The following OTOA variants were observed in gnomAD, a reference collection of about 807,000 sequenced individuals.
OTOA encodes the protein cancer/testis antigen 108.
A neutral mutation model predicts 110.8 loss-of-function variants in OTOA; 70 were observed. The ratio of observed to expected loss-of-function variants is 0.63; its 90% CI spans 0.52 to 0.77. The LOEUF (loss-of-function observed/expected upper bound fraction) is 0.77. Among genes scored for constraint, OTOA ranks in the 30% least tolerant of loss-of-function variants. The probability of loss-of-function intolerance (pLI) is 0.00; values close to 1 mark genes in which losing one functional copy is unlikely to be tolerated. For missense variants in OTOA, 917 were observed against 1,075.8 expected (o/e 0.85, Z 2.06); for synonymous variants, 373 against 431.5 (o/e 0.86, Z 1.68).
chr16:21,693,622 C>A (rs1055074014), intron 9 of OTOA, among the ~76,000 whole-genome samples: 7 of 152,140 alleles, frequency 4.6e-5, no homozygotes, highest in Non-Finnish European at 1.0e-4. Flanking sequence ...TACTCTGTCA[C>A]CCAGGCTGGA....
rs558533885 is a variant in OTOA, at chr16:21,706,212, C to T, written c.1104+920C>T. 2.6e-5 allele frequency among the ~76,000 whole-genome samples: 4 copies of T among 152,344 alleles called. No individual in the cohort carries two copies. The South Asian group carries it at 8.3e-4, about 32-fold the overall frequency. On this transcript the variant is annotated intron_variant, in intron 12 of 28. Transcript: ENST00000646100. ...GCTCTTGGTTGAGGCCCAGGACTCC[C>T]ATCTTCCTCTTCTTCCTCCTTCTTC...
rs117261711 is a variant in OTOA, at chr16:21,704,981, T to A, written c.981-188T>A. The A allele has an allele frequency of 3.2e-4, 295 of 911,860 alleles. No homozygotes were observed. Among genetic ancestry groups the A allele is most frequent in the African/African-American group, 1.7e-3 (104 of 61,458 alleles). The allele number at this position is 911,860 out of a possible 1,614,324, so 56.5% of individuals were successfully genotyped here. ...ATTCAGCCCCCATTCCTTGGTCTCG[T>A]CTGAGCAGTTAGGTTCCGCCTGTGG... On this transcript the variant is annotated intron_variant, in intron 11 of 28. Coordinates refer to ENST00000646100, the MANE Select transcript of OTOA (RefSeq NM_144672.4).
intron 22 of OTOA, among the ~76,000 whole-genome samples, chr16:21,736,658 C>G (rs1019819782): frequency 2.0e-5 from 3 of 152,126 alleles, no homozygotes; most frequent in African/African-American, 7.2e-5. Context: ...TGGCGAAACC[C>G]TGTCTCTACT....
chr16:21,683,231 A>G (rs1966928792), intron 6 of OTOA, among the ~76,000 whole-genome samples: 1 of 152,202 alleles, frequency 6.6e-6, no homozygotes, highest in South Asian at 2.1e-4. Context: ...GTCAAGATAG[A>G]GAATAATAGC....
intron 9 of OTOA, among the ~76,000 whole-genome samples, chr16:21,695,984 T>C (rs1267825146): frequency 6.8e-6 from 1 of 146,432 alleles, no homozygotes; most frequent in Non-Finnish European, 1.5e-5. Context: ...AACTTCTGCC[T>C]CCCGGGTTCA....
intron 28 of OTOA, among the ~76,000 whole-genome samples, chr16:21,759,091 A>G (rs1380673779): frequency 5.3e-5 from 8 of 152,196 alleles, no homozygotes; most frequent in Non-Finnish European, 1.0e-4. Context: ...AGCGTTTTGC[A>G]TGAATAGATA....
chr16:21,759,815 G>T (rs945721854), intron 28 of OTOA, among the ~76,000 whole-genome samples: 2 of 151,924 alleles, frequency 1.3e-5, no homozygotes, highest in Admixed American at 6.6e-5. Flanking sequence ...CAGAGGAATC[G>T]CTTGAACCTG....
chr16:21,703,766 A>G (rs1898099645), intron 11 of OTOA, among the ~76,000 whole-genome samples: 1 of 152,178 alleles, frequency 6.6e-6, no homozygotes, highest in South Asian at 2.1e-4. Flanking sequence ...ACTGTGGTCA[A>G]CTAGGTAGTC....
chr16:21,738,440 T>G (rs1270365041), intron 22 of OTOA, among the ~76,000 whole-genome samples: 1 of 120,684 alleles, frequency 8.3e-6, no homozygotes, highest in Non-Finnish European at 1.9e-5. Context: ...TGCATTATCT[T>G]GTTCTCCCGT....
At chr16:21,704,010 G>A (rs1169187022) in intron 11 of OTOA, among the ~76,000 whole-genome samples, 2 of 152,132 alleles carry the variant, frequency 1.3e-5, no homozygotes, top group Non-Finnish European at 2.9e-5. Context: ...AGTGTGCACT[G>A]CAGAACTGTG....
intron 1 of OTOA, among the ~76,000 whole-genome samples, chr16:21,674,237 C>A (rs1597803324): frequency 6.6e-6 from 1 of 152,266 alleles, no homozygotes; most frequent in East Asian, 1.9e-4. Context: ...GCTGTACCAC[C>A]TTATATTCTC....
chr16:21,680,042 A>G (rs962991152), intron 5 of OTOA, among the ~76,000 whole-genome samples: 3 of 152,220 alleles, frequency 2.0e-5, no homozygotes, highest in Non-Finnish European at 2.9e-5. Context: ...GATAAGAAAT[A>G]GGGGTCTTGG....
At chr16:21,738,896 G>C (rs1212802912) in intron 22 of OTOA, among the ~76,000 whole-genome samples, 2 of 151,048 alleles carry the variant, frequency 1.3e-5, no homozygotes, top group Non-Finnish European at 3.0e-5. Context: ...TAAAGTCACA[G>C]AGTTAGTAAA....
intron 10 of OTOA, among the ~76,000 whole-genome samples, 153 bp from the exon 11 acceptor site, chr16:21,700,735 A>AAG (rs1269274019): frequency 5.3e-5 from 8 of 151,348 alleles, no homozygotes; most frequent in African/African-American, 1.2e-4. Context: ...AAAAAAAAAA[A>AAG]AAAAGAAAAG....
In OTOA at chr16:21,726,605, G is replaced by T. The variant is rs1427473204; in HGVS notation, c.1963G>T (p.Val655Phe). 1.2e-6 allele frequency: 2 copies of T among 1,613,870 alleles called. No individual in the cohort carries two copies. The highest frequency in any genetic ancestry group is 1.7e-6 in the Non-Finnish European group (2 of 1,179,986). ...SLGKSWLDSLVLDSHKKTSVL... is the reference protein window; with the variant it reads ...SLGKSWLDSLFLDSHKKTSVL... ...GGGGAAGAGCTGGTTGGACTCCTTG[G>T]TTTTAGATTCCCACAAAAAGACTTC... Residue 655 changes from valine (V) to phenylalanine (F), a missense_variant, in exon 19 of 29, where the codon GTT (valine) becomes TTT (phenylalanine). By Grantham distance (50) the Val-to-Phe change is conservative. This residue lies in a region of OTOA where 840 missense variants were observed against 910.2 expected (regional missense o/e 0.92). Transcript: ENST00000646100.
chr16:21,707,285 G>A (rs2141683440), intron 12 of OTOA, among the ~76,000 whole-genome samples: 1 of 151,936 alleles, frequency 6.6e-6, no homozygotes, highest in Non-Finnish European at 1.5e-5. Context: ...CCTGACCAAG[G>A]AGAAGGTGGC....
At chr16:21,681,955 GTCCAGTT>G in intron 6 of OTOA, 130 bp downstream of exon 6, 1 of 838,360 alleles carries the variant, frequency 1.2e-6, no homozygotes, top group Non-Finnish European at 1.9e-6. Flanking sequence ...AAAGGGTTCT[GTCCAGTT>G]TTTCTTGAAA....
intron 17 of OTOA, among the ~76,000 whole-genome samples, chr16:21,720,926 T>TATTATTATTATC (rs1165118885): frequency 2.1e-5 from 3 of 145,842 alleles, no homozygotes; most frequent in Non-Finnish European, 4.5e-5. Context: ...TTATTATCAT[T>TATTATTATTATC]ATTATTATTA....
At chr16:21,673,954 C>T (rs1291555733) in intron 1 of OTOA, among the ~76,000 whole-genome samples, 9 of 151,664 alleles carry the variant, frequency 5.9e-5, no homozygotes, top group Admixed American at 1.3e-4. Flanking sequence ...CCCACCACCA[C>T]GCCTAGCTAA....
Sources: gnomAD v4.1 joint callset for allele counts (sites outside exome capture counted in the v4.1 genomes callset) on GRCh38, gnomAD v4.1.1 for gene constraint, gnomAD v4.1.1 regional missense constraint, MANE v1.5 for transcripts, NCBI Gene and HGNC (gene_info 2026-07-23, HGNC 2026-07-21) for gene names.